ZC3H12B: variants seen among roughly 807,000 people sequenced by gnomAD.
ZC3H12B encodes the protein probable ribonuclease ZC3H12B.
ZC3H12B carries 7 observed loss-of-function variants against 43.9 expected under a neutral mutation model. That is an observed-to-expected ratio of 0.16 (90% CI 0.09 to 0.30). The LOEUF is 0.30. ZC3H12B is among the 10% of genes least tolerant of loss of function. ZC3H12B has a pLI of 1.00. For synonymous variants in ZC3H12B, 222 were observed against 241.7 expected (o/e 0.92, Z 0.76); for missense variants, 475 against 670.2 (o/e 0.71, Z 3.22).
At chrX:65,040,502 C>G in the ZC3H12B span, among the ~76,000 whole-genome samples, 1 of 108,965 alleles carries the variant, frequency 9.2e-6, no homozygotes, top group African/African-American at 3.3e-5. Flanking sequence ...AAAAATGAGT[C>G]TTAGATTTTA....
At chrX:65,433,640 A>G (rs2067188490) in intron 3 of ZC3H12B, among the ~76,000 whole-genome samples, 1 of 112,031 alleles carries the variant, frequency 8.9e-6, no homozygotes, top group African/African-American at 3.2e-5. Context: ...TAGAATTAGG[A>G]TCACTTCAGA....
chrX:65,460,019 A>T (rs1334204659), intron 3 of ZC3H12B, among the ~76,000 whole-genome samples: 2 of 112,259 alleles, frequency 1.8e-5, no homozygotes, highest in South Asian at 7.5e-4. Context: ...GTCTCAGGAT[A>T]CAAAATCAAT....
chrX:65,458,293 A>C (rs921757792), intron 3 of ZC3H12B, among the ~76,000 whole-genome samples: 1 of 110,051 alleles, frequency 9.1e-6, no homozygotes, highest in Non-Finnish European at 1.9e-5. Flanking sequence ...AATATTAGAC[A>C]GATCAATGAG....
chrX:65,333,236 T>C, the ZC3H12B span, among the ~76,000 whole-genome samples: 1 of 111,883 alleles, frequency 8.9e-6, no homozygotes, highest in Non-Finnish European at 1.9e-5. Context: ...ATAAGTCAAG[T>C]ATAATTTCTT....
At chrX:65,398,289 C>A (rs1261793736) in intron 2 of ZC3H12B, among the ~76,000 whole-genome samples, 2 of 111,582 alleles carry the variant, frequency 1.8e-5, no homozygotes, top group Admixed American at 1.9e-4. Context: ...TATGGGGAAC[C>A]ATAACAGACC....
chrX:65,175,016 C>T, the ZC3H12B span, among the ~76,000 whole-genome samples: 65 of 112,381 alleles, frequency 5.8e-4, no homozygotes, highest in African/African-American at 2.1e-3. Flanking sequence ...ACCCAGGCCC[C>T]TTCAGTGTAG....
At chrX:65,055,306 A>G in the ZC3H12B span, among the ~76,000 whole-genome samples, 1 of 111,592 alleles carries the variant, frequency 9.0e-6, no homozygotes, top group Non-Finnish European at 1.9e-5. Context: ...GGGCTGTTGA[A>G]TTTTGTCAAA....
the ZC3H12B span, among the ~76,000 whole-genome samples, chrX:65,116,704 A>C: frequency 4.6e-5 from 5 of 109,560 alleles, no homozygotes; most frequent in Non-Finnish European, 5.7e-5. Flanking sequence ...TCCTAATGCT[A>C]TCCTTCCCCC....
the ZC3H12B span, among the ~76,000 whole-genome samples, chrX:65,086,974 G>A: frequency 4.5e-5 from 5 of 110,124 alleles, no homozygotes; most frequent in African/African-American, 6.6e-5. Flanking sequence ...AATACCCCAT[G>A]CCAGAGCACC....
chrX:65,459,602 A>C (rs1275175165), intron 3 of ZC3H12B, among the ~76,000 whole-genome samples: 2 of 112,188 alleles, frequency 1.8e-5, no homozygotes, highest in African/African-American at 6.5e-5. Context: ...ACCAATGACA[A>C]AAACCACATG....
At chrX:65,087,960 C>T in the ZC3H12B span, among the ~76,000 whole-genome samples, 4 of 111,669 alleles carry the variant, frequency 3.6e-5, no homozygotes, top group Non-Finnish European at 5.6e-5. Flanking sequence ...TGCATTGGGA[C>T]ATAGTAAGGA....
chrX:65,235,793 C>T, the ZC3H12B span, among the ~76,000 whole-genome samples: 1 of 112,198 alleles, frequency 8.9e-6, no homozygotes, highest in Non-Finnish European at 1.9e-5. Context: ...AGACATGTCA[C>T]AGCTCTTTAC....
the ZC3H12B span, among the ~76,000 whole-genome samples, chrX:65,233,275 T>C: frequency 9.0e-6 from 1 of 111,623 alleles, no homozygotes. Flanking sequence ...GAACATTTTA[T>C]CCAACAGCTA....
chrX:65,219,185 C>T, the ZC3H12B span, among the ~76,000 whole-genome samples: 17 of 111,426 alleles, frequency 1.5e-4, no homozygotes, highest in Non-Finnish European at 3.8e-5. Flanking sequence ...GCACTTGAGC[C>T]CCAGATCTTC....
At chrX:65,418,826 G>T (rs1452090059) in intron 3 of ZC3H12B, among the ~76,000 whole-genome samples, 3 of 111,393 alleles carry the variant, frequency 2.7e-5, no homozygotes, top group African/African-American at 6.5e-5. Flanking sequence ...GGAAGATGAG[G>T]GCTCCTTGGT....
chrX:65,437,196 C>T (rs1475334335), intron 3 of ZC3H12B, among the ~76,000 whole-genome samples: 1 of 111,129 alleles, frequency 9.0e-6, no homozygotes, highest in Non-Finnish European at 1.9e-5. Flanking sequence ...TAGTGATCCA[C>T]CGGCCTCGGC....
At chrX:65,266,158 A>G in the ZC3H12B span, among the ~76,000 whole-genome samples, 1 of 112,428 alleles carries the variant, frequency 8.9e-6, no homozygotes, top group African/African-American at 3.2e-5. Context: ...GCATATACAT[A>G]TAATGAAATT....
At chrX:65,236,370 T>C in the ZC3H12B span, among the ~76,000 whole-genome samples, 1 of 112,131 alleles carries the variant, frequency 8.9e-6, no homozygotes, top group South Asian at 3.7e-4. Flanking sequence ...GGTTTGTCCA[T>C]GTTTTTTACC....
the ZC3H12B span, among the ~76,000 whole-genome samples, chrX:65,230,662 T>C: frequency 3.7e-5 from 4 of 108,232 alleles, no homozygotes; most frequent in African/African-American, 1.3e-4. Context: ...AAAAAAATTC[T>C]AGCCTAAATA....
Sources: allele counts gnomAD v4.1 joint callset (sites outside exome capture counted in the v4.1 genomes callset), GRCh38; gene constraint gnomAD v4.1.1; transcripts MANE v1.5; gene names NCBI Gene and HGNC (gene_info 2026-07-23, HGNC 2026-07-21).